NOS1AP: variants seen among roughly 807,000 people sequenced by gnomAD.
The protein encoded by NOS1AP is carboxyl-terminal PDZ ligand of neuronal nitric oxide synthase protein.
In NOS1AP, 21 loss-of-function variants were observed where a neutral mutation model predicts 56.2. The observed-to-expected ratio is 0.37, with a 90% CI of 0.26 to 0.54. The LOEUF is 0.54. Ranked by LOEUF, NOS1AP falls within the 20% of genes least tolerant of loss-of-function variation. The pLI, the probability that NOS1AP is intolerant of heterozygous loss-of-function variation, is 0.84. For missense variants in NOS1AP, 522 were observed against 657.8 expected (o/e 0.79, Z 2.26); for synonymous variants, 270 against 274.6 (o/e 0.98, Z 0.17).
At chr1:162,232,533 AGTGTGTGT>A (rs60922543) in intron 2 of NOS1AP, among the ~76,000 whole-genome samples, 7 of 150,362 alleles carry the variant, frequency 4.7e-5, no homozygotes, top group Non-Finnish European at 7.4e-5. Context: ...TTGTGCTTAG[AGTGTGTGT>A]GTGTGTGTGT....
chr1:162,293,679 A>G (rs769038203), intron 3 of NOS1AP, among the ~76,000 whole-genome samples: 4 of 152,214 alleles, frequency 2.6e-5, no homozygotes, highest in Non-Finnish European at 5.9e-5. Flanking sequence ...CAAGCCCTTT[A>G]TTCCCTTCCT....
intron 6 of NOS1AP, among the ~76,000 whole-genome samples, chr1:162,354,270 T>C (rs533449051): frequency 6.6e-6 from 1 of 152,326 alleles, no homozygotes; most frequent in African/African-American, 2.4e-5. Context: ...TCATGAGAAA[T>C]CTTATTTAAA....
intron 2 of NOS1AP, among the ~76,000 whole-genome samples, chr1:162,247,692 G>T (rs1009635854): frequency 2.0e-5 from 3 of 149,688 alleles, no homozygotes; most frequent in Non-Finnish European, 2.9e-5. Flanking sequence ...TTTTTGTCCC[G>T]TCCCCCCCAC....
At chr1:162,259,147 G>T (rs4233390) in intron 2 of NOS1AP, among the ~76,000 whole-genome samples, 7 of 152,174 alleles carry the variant, frequency 4.6e-5, no homozygotes, top group African/African-American at 1.7e-4. Flanking sequence ...GCTTCTCTGC[G>T]ACCACCCCGC....
chr1:162,171,461 C>A (rs987570383), intron 2 of NOS1AP, among the ~76,000 whole-genome samples: 1 of 152,162 alleles, frequency 6.6e-6, no homozygotes, highest in Admixed American at 6.5e-5. Flanking sequence ...TCGTATGTCT[C>A]CCTGCCTCAA....
intron 6 of NOS1AP, among the ~76,000 whole-genome samples, chr1:162,350,944 C>T (rs1657470534): frequency 1.3e-5 from 2 of 152,228 alleles, no homozygotes; most frequent in African/African-American, 2.4e-5. Context: ...ACCGACATGA[C>T]ACCGCAAGTG....
intron 2 of NOS1AP, among the ~76,000 whole-genome samples, chr1:162,189,409 G>A (rs1317964045): frequency 6.6e-6 from 1 of 152,174 alleles, no homozygotes; most frequent in Non-Finnish European, 1.5e-5. Flanking sequence ...CTTACCTTAA[G>A]CAAACTGGTT....
At chr1:162,160,292 A>T (rs1478166984) in intron 2 of NOS1AP, among the ~76,000 whole-genome samples, 1 of 152,112 alleles carries the variant, frequency 6.6e-6, no homozygotes, top group African/African-American at 2.4e-5. Context: ...CTTGAACAGA[A>T]TTCACCGGTG....
At chr1:162,095,846 T>C (rs1692229218) in intron 1 of NOS1AP, among the ~76,000 whole-genome samples, 1 of 152,210 alleles carries the variant, frequency 6.6e-6, no homozygotes. Flanking sequence ...GCATGATTAT[T>C]GTGGAGATTA....
intron 1 of NOS1AP, among the ~76,000 whole-genome samples, chr1:162,081,231 T>C (rs1288911229): frequency 6.6e-6 from 1 of 152,188 alleles, no homozygotes; most frequent in East Asian, 1.9e-4. Flanking sequence ...TTGGATTGAA[T>C]AGGCAAATGG....
At chr1:162,097,877 A>G (rs966540646) in intron 1 of NOS1AP, among the ~76,000 whole-genome samples, 1 of 151,932 alleles carries the variant, frequency 6.6e-6, no homozygotes, top group Non-Finnish European at 1.5e-5. Context: ...GTTCTTTAAA[A>G]TAGGTATATT....
chr1:162,104,895 CCTT>C (rs1553256043), intron 1 of NOS1AP, among the ~76,000 whole-genome samples: 2 of 152,166 alleles, frequency 1.3e-5, no homozygotes, highest in Non-Finnish European at 1.5e-5. Context: ...CTTTCTGAAG[CCTT>C]CTTCTGTCAG....
intron 4 of NOS1AP, among the ~76,000 whole-genome samples, chr1:162,318,465 C>A (rs888602683): frequency 1.3e-5 from 2 of 152,204 alleles, no homozygotes; most frequent in African/African-American, 2.4e-5. Context: ...GCACTTAATG[C>A]TGTGGGTCTT....
intron 2 of NOS1AP, among the ~76,000 whole-genome samples, chr1:162,163,058 G>A (rs1650304756): frequency 2.0e-5 from 3 of 152,134 alleles, no homozygotes; most frequent in Non-Finnish European, 2.9e-5. Context: ...CATACAATAT[G>A]TGGCCTTTGG....
intron 2 of NOS1AP, among the ~76,000 whole-genome samples, chr1:162,170,100 G>A (rs557057087): frequency 1.7e-4 from 26 of 152,114 alleles, no homozygotes; most frequent in Non-Finnish European, 2.8e-4. Context: ...CTCACTTTAT[G>A]TTATAATTGT....
At chr1:162,264,548 C>A (rs1278340466) in intron 2 of NOS1AP, among the ~76,000 whole-genome samples, 1 of 149,012 alleles carries the variant, frequency 6.7e-6, no homozygotes, top group Non-Finnish European at 1.5e-5. Flanking sequence ...CACTGGTCAC[C>A]CAGGCTGGAG....
At chr1:162,231,929 G>A (rs1653136234) in intron 2 of NOS1AP, among the ~76,000 whole-genome samples, 1 of 152,192 alleles carries the variant, frequency 6.6e-6, no homozygotes, top group Admixed American at 6.5e-5. Context: ...TCTTAGCAAT[G>A]GTTATCTTTG....
In NOS1AP at chr1:162,155,462, G is replaced by T. The variant is rs1284457221; in HGVS notation, c.177+986G>T. ...ATACATATATATATATATATAGAGA[G>T]AGAGAGAGAGGTATCGAATATAAGA... On this transcript the variant is annotated intron_variant, in intron 2 of 9. Transcript: ENST00000361897. Among the ~76,000 whole-genome samples the T allele has an allele frequency of 3.0e-3, 452 of 150,436 alleles. 4 individuals are homozygous for T. Among genetic ancestry groups the T allele is most frequent in the African/African-American group, 0.01 (414 of 40,940 alleles).
chr1:162,289,230 TTCCTTCCTTCCTTCC>T (rs1655195588), intron 3 of NOS1AP, among the ~76,000 whole-genome samples: 1 of 20,630 alleles, frequency 4.8e-5, no homozygotes, highest in African/African-American at 2.8e-4. Flanking sequence ...CCTTCCTTCC[TTCCTTCCTTCCTTCC>T]TTCCTTCCTT....
Sources: gnomAD v4.1 joint callset for allele counts (sites outside exome capture counted in the v4.1 genomes callset) on GRCh38, gnomAD v4.1.1 for gene constraint, MANE v1.5 for transcripts, NCBI Gene and HGNC (gene_info 2026-07-23, HGNC 2026-07-21) for gene names.